The following ME3 variants were observed in gnomAD, a reference collection of about 807,000 sequenced individuals.
ME3 encodes malic enzyme 3, also known as NADP-dependent malic enzyme, mitochondrial.
In ME3, 48 loss-of-function variants were observed where a neutral mutation model predicts 68.9. The observed-to-expected ratio is 0.70, with a 90% CI of 0.55 to 0.89. ME3 has a LOEUF of 0.89. Ranked by LOEUF, ME3 falls within the 40% of genes least tolerant of loss-of-function variation. The pLI, the probability that ME3 is intolerant of heterozygous loss-of-function variation, is 0.00. For synonymous variants in ME3, 320 were observed against 318.8 expected (o/e 1.00, Z -0.04); for missense variants, 675 against 797.4 (o/e 0.85, Z 1.85).
At chr11:86,593,138 T>G (rs1016694719) in intron 2 of ME3, among the ~76,000 whole-genome samples, 9 of 152,180 alleles carry the variant, frequency 5.9e-5, no homozygotes, top group Non-Finnish European at 2.9e-5. Flanking sequence ...ATGCCAGGGT[T>G]ATAGTTCACT....
chr11:86,521,267 C>T (rs1341711470), intron 4 of ME3, among the ~76,000 whole-genome samples: 3 of 152,008 alleles, frequency 2.0e-5, no homozygotes, highest in East Asian at 1.9e-4. Flanking sequence ...TGATGGCGGG[C>T]GCCTGTAGTC....
chr11:86,529,954 A>G (rs535355464), intron 4 of ME3, among the ~76,000 whole-genome samples: 23 of 152,340 alleles, frequency 1.5e-4, no homozygotes, highest in Non-Finnish European at 2.6e-4. Flanking sequence ...CAAGACAGGG[A>G]TGCCCTCTCT....
At chr11:86,659,083 GATC>G (rs1016301638) in intron 2 of ME3, among the ~76,000 whole-genome samples, 1 of 152,200 alleles carries the variant, frequency 6.6e-6, no homozygotes, top group Non-Finnish European at 1.5e-5. Flanking sequence ...ATGTTTTCAA[GATC>G]ATGTTACTGC....
At position 86,644,912 on chromosome 11, in the gene ME3, G is replaced by A. The variant is rs1214203986; in HGVS notation, c.183+26850C>T. On this transcript the variant is annotated intron_variant, in intron 2 of 14. Transcript: ENST00000543262. The stretch of plus-strand genomic sequence containing the variant: ...ACAGTGGGTGCAGCCCATAGAGGGT[G>A]AACAGAAGCAGGGTGGGGCATCGCC... Among the ~76,000 whole-genome samples, 3 of 152,174 alleles carry A rather than the reference G, an allele frequency of 2.0e-5. No individual in the cohort carries two copies. In the South Asian group the frequency reaches 6.2e-4, roughly 32 times the overall value.
At chr11:86,475,851 G>GTATATATATA (rs68158647) in intron 7 of ME3, among the ~76,000 whole-genome samples, 8 of 114,618 alleles carry the variant, frequency 7.0e-5, no homozygotes, top group African/African-American at 1.8e-4. Context: ...CTAATATTCA[G>GTATATATATA]TATATATATA....
chr11:86,618,650 T>C lies in ME3; in HGVS notation c.183+53112A>G, dbSNP rs114943975. On this transcript the variant is annotated intron_variant, in intron 2 of 14. Coordinates refer to ENST00000543262, the Ensembl canonical transcript of ME3. ...GGGGCCTGGTGCCAGGTGTTTAGCT[T>C]ATGGGGGCAGATCCCTCATGGTTTG... Among the ~76,000 whole-genome samples the C allele has an allele frequency of 9.6e-3, 1,460 of 152,044 alleles. 20 individuals carry two copies. Among genetic ancestry groups the C allele is most frequent in the South Asian group, 0.056 (269 of 4,820 alleles).
chr11:86,446,264 C>G (rs1555196983), intron 13 of ME3, 50 bp downstream of exon 13: 1 of 1,599,458 alleles, frequency 6.3e-7, no homozygotes, highest in Admixed American at 1.7e-5. Context: ...GACCCAGTGT[C>G]AACCCACAGA....
intron 2 of ME3, among the ~76,000 whole-genome samples, chr11:86,641,150 A>G (rs1944649671): frequency 6.6e-6 from 1 of 152,160 alleles, no homozygotes; most frequent in South Asian, 2.1e-4. Flanking sequence ...CTCTGGGCTA[A>G]ATACCATGTC....
chr11:86,463,170 C>T (rs1284125042), intron 8 of ME3, among the ~76,000 whole-genome samples: 1 of 152,172 alleles, frequency 6.6e-6, no homozygotes, highest in Non-Finnish European at 1.5e-5. Context: ...GTTCCTGTGC[C>T]TGTGTTTAGG....
chr11:86,451,386 A>G (rs1156795228), intron 8 of ME3, among the ~76,000 whole-genome samples: 2 of 152,248 alleles, frequency 1.3e-5, no homozygotes, highest in African/African-American at 2.4e-5. Flanking sequence ...CAGTCTTTCA[A>G]TAATCAGGTG....
chr11:86,523,742 A>C (rs766499338), intron 4 of ME3, among the ~76,000 whole-genome samples: 19 of 152,160 alleles, frequency 1.2e-4, no homozygotes, highest in Non-Finnish European at 1.9e-4. Context: ...AAGCTGATGA[A>C]GAAGGCCTTG....
At chr11:86,481,084 T>C (rs1169551369) in intron 7 of ME3, among the ~76,000 whole-genome samples, 1 of 152,074 alleles carries the variant, frequency 6.6e-6, no homozygotes, top group Non-Finnish European at 1.5e-5. Context: ...TTCTGTTGCC[T>C]AGGCTGGAGT....
At chr11:86,594,647 T>C (rs1180431002) in intron 2 of ME3, among the ~76,000 whole-genome samples, 1 of 145,976 alleles carries the variant, frequency 6.9e-6, no homozygotes, top group African/African-American at 2.5e-5. Flanking sequence ...TGAGCTGTGA[T>C]TGCACCACTG....
At chr11:86,562,655 T>G (rs1957291748) in intron 2 of ME3, among the ~76,000 whole-genome samples, 1 of 152,164 alleles carries the variant, frequency 6.6e-6, no homozygotes, top group South Asian at 2.1e-4. Context: ...GTTGAGTATC[T>G]TTTCTTTTTT....
At chr11:86,521,895 A>C (rs1370555071) in intron 4 of ME3, among the ~76,000 whole-genome samples, 1 of 152,144 alleles carries the variant, frequency 6.6e-6, no homozygotes, top group Non-Finnish European at 1.5e-5. Flanking sequence ...AGTGGCTTAC[A>C]GTTGGCCATC....
At chr11:86,530,094 T>C (rs990946899) in intron 4 of ME3, among the ~76,000 whole-genome samples, 4 of 152,192 alleles carry the variant, frequency 2.6e-5, no homozygotes, top group African/African-American at 9.7e-5. Flanking sequence ...ATTGTATATC[T>C]AGAAAACCCC....
chr11:86,457,445 A>G (rs1950002378), intron 8 of ME3: 1 of 956,932 alleles, frequency 1.0e-6, no homozygotes, highest in Non-Finnish European at 1.3e-6. Context: ...TTGACCTCTC[A>G]GCAGCATTTG....
At chr11:86,627,641 G>T (rs959285539) in intron 2 of ME3, among the ~76,000 whole-genome samples, 1 of 152,162 alleles carries the variant, frequency 6.6e-6, no homozygotes, top group African/African-American at 2.4e-5. Flanking sequence ...GCTGATTTGT[G>T]AAGTCTGCCC....
At chr11:86,585,512 C>T (rs1336724143) in intron 2 of ME3, among the ~76,000 whole-genome samples, 1 of 152,116 alleles carries the variant, frequency 6.6e-6, no homozygotes, top group Non-Finnish European at 1.5e-5. Context: ...TTGTGGTGTT[C>T]ACTGAAATGG....
Sources: gnomAD v4.1 joint callset for allele counts (sites outside exome capture counted in the v4.1 genomes callset) on GRCh38, gnomAD v4.1.1 for gene constraint, MANE v1.5 for transcripts, NCBI Gene and HGNC (gene_info 2026-07-23, HGNC 2026-07-21) for gene names.